Variants in SMC1A observed in about 807,000 individuals in gnomAD.
SMC1A encodes the protein structural maintenance of chromosomes 1A, also known as structural maintenance of chromosomes protein 1A.
A neutral mutation model predicts 94.5 loss-of-function variants in SMC1A; 4 were observed. The ratio of observed to expected loss-of-function variants is 0.04; its 90% confidence interval spans 0.02 to 0.10. The LOEUF (loss-of-function observed/expected upper bound fraction) is 0.10. SMC1A is among the 10% of genes least tolerant of loss of function. The pLI is 1.00. For synonymous variants in SMC1A, 345 were observed against 347.7 expected, an observed-to-expected ratio of 0.99 and a Z score of 0.09; for missense variants, 304 against 989.0, an observed-to-expected ratio of 0.31 and a Z score of 9.29.
At chrX:53,420,448 C>CA (rs1484621210) in intron 1 of SMC1A, among the ~76,000 whole-genome samples, 2 of 106,894 alleles carry the variant, frequency 1.9e-5, no homozygotes, top group Admixed American at 2.0e-4. Context: ...CACTTGAACC[C>CA]AAGAGGCAGA....
chrX:53,387,161 A>G (rs1040281131), intron 19 of SMC1A, among the ~76,000 whole-genome samples: 1 of 111,100 alleles, frequency 9.0e-6, no homozygotes, highest in Non-Finnish European at 1.9e-5. Context: ...ACGCCCGGCT[A>G]ATTTTTTGTA....
At chrX:53,380,528 C>A (rs1602397764) in intron 24 of SMC1A, 92 bp downstream of exon 24, 1 of 610,364 alleles carries the variant, frequency 1.6e-6, no homozygotes, top group South Asian at 2.4e-5. Context: ...CTATGCTCCC[C>A]CACCTCCTTT....
chrX:53,410,969 C>T (rs1294592245), intron 7 of SMC1A, among the ~76,000 whole-genome samples: 54 of 73,117 alleles, frequency 7.4e-4, no homozygotes, highest in Admixed American at 3.0e-3. Context: ...GTGGCAAGCA[C>T]AAGTAATGCT....
chrX:53,390,994 A>T (rs1556887182), intron 19 of SMC1A, among the ~76,000 whole-genome samples: 2 of 98,321 alleles, frequency 2.0e-5, no homozygotes, highest in African/African-American at 7.4e-5. Context: ...AAAAAAAAAA[A>T]AAAGAAAAAG....
intron 13 of SMC1A, 143 bp from the exon 14 acceptor site, chrX:53,404,036 C>T (rs1305477192): frequency 1.9e-6 from 1 of 518,871 alleles, no homozygotes; most frequent in Admixed American, 2.6e-5. Context: ...CTAGTCAAGC[C>T]TCCATGATGT....
At chrX:53,394,094 G>GTGA (rs1175290769) in intron 19 of SMC1A, among the ~76,000 whole-genome samples, 1 of 99,516 alleles carries the variant, frequency 1.0e-5, no homozygotes, top group Non-Finnish European at 2.0e-5. Flanking sequence ...GGTTGCAGCA[G>GTGA]TGAGTCGAGA....
rs1556890153 is a variant in SMC1A, at chrX:53,409,204, C to T, written c.1403G>A (p.Arg468Gln). ...ELTEEVEMAK[R>Q]RIDEINKELN... ...CTCCTTATTGATTTCATCAATACGC[C>T]GCTTGGCCATCTCCACCTCCTCTGT... The change falls in exon 9 of 25, where the codon CGG (arginine) becomes CAG (glutamine). Residue 468 changes from arginine to glutamine, a missense_variant. By Grantham distance (43) the Arg-to-Gln change is conservative. This residue lies in a region of SMC1A where 120 missense variants were observed against 314.9 expected (regional missense o/e 0.38). Coordinates refer to ENST00000322213, the MANE Select transcript of SMC1A (RefSeq NM_006306.4). 3 of 1,210,874 alleles carry T rather than the reference C, an allele frequency of 2.5e-6. No homozygotes were observed. Among genetic ancestry groups the T allele is most frequent in the Non-Finnish European group, 3.4e-6 (3 of 894,970 alleles).
At chrX:53,407,514 T>C (rs1239008898) in intron 9 of SMC1A, among the ~76,000 whole-genome samples, 1 of 112,225 alleles carries the variant, frequency 8.9e-6, no homozygotes, top group South Asian at 3.7e-4. Context: ...AACATTTTCC[T>C]GAGTTCTGTG....
rs1362568589 is a variant in SMC1A, at chrX:53,375,289, T to C, written c.*4814A>G. On this transcript the variant is annotated 3_prime_UTR_variant, in exon 25 of 25. Transcript: ENST00000322213. Reference sequence around the variant, plus strand: ...CTGCCTGTCCTGATCTACAATGGGATAGATCAAGATCAAGACTCCAGAGAT... The same window carrying C: ...CTGCCTGTCCTGATCTACAATGGGACAGATCAAGATCAAGACTCCAGAGAT... The C allele has an allele frequency of 8.9e-6, 1 of 111,875 alleles. No individual in the cohort carries two copies. The highest frequency in any genetic ancestry group is 1.9e-5 in the Non-Finnish European group (1 of 53,156). The allele number at this position is 111,875 out of a possible 1,213,427, so 9.2% of individuals were successfully genotyped here.
intron 19 of SMC1A, among the ~76,000 whole-genome samples, chrX:53,389,760 T>G (rs1487606967): frequency 1.8e-5 from 2 of 110,331 alleles, no homozygotes; most frequent in East Asian, 5.6e-4. Flanking sequence ...TATGTAATGG[T>G]TCTAATTATT....
At chrX:53,389,456 C>A (rs888542494) in intron 19 of SMC1A, among the ~76,000 whole-genome samples, 2 of 111,540 alleles carry the variant, frequency 1.8e-5, no homozygotes, top group African/African-American at 3.3e-5. Context: ...TACTGCCAAG[C>A]GTGGTGGCTC....
At chrX:53,380,508 A>C (rs2075578239) in intron 24 of SMC1A, 112 bp downstream of exon 24, 1 of 558,345 alleles carries the variant, frequency 1.8e-6, no homozygotes, top group Non-Finnish European at 3.0e-6. Context: ...GCCATTCAGG[A>C]CCTGATTCCC....
At chrX:53,420,745 C>A (rs1454556647) in intron 1 of SMC1A, among the ~76,000 whole-genome samples, 1 of 110,732 alleles carries the variant, frequency 9.0e-6, no homozygotes, top group Non-Finnish European at 1.9e-5. Context: ...CCAGGGAGGA[C>A]AACATCATCT....
At chrX:53,392,223 T>C (rs2075632258) in intron 19 of SMC1A, among the ~76,000 whole-genome samples, 1 of 108,994 alleles carries the variant, frequency 9.2e-6, no homozygotes, top group Admixed American at 9.9e-5. Context: ...ACCCCGTCTC[T>C]ACTAAAAATA....
chrX:53,407,480 T>C (rs2075695456), intron 9 of SMC1A, among the ~76,000 whole-genome samples: 1 of 112,402 alleles, frequency 8.9e-6, no homozygotes, highest in African/African-American at 3.2e-5. Context: ...ATATCCTTCA[T>C]AATAAATGGG....
At chrX:53,404,502 T>C (rs1180897458) in intron 13 of SMC1A, among the ~76,000 whole-genome samples, 1 of 111,336 alleles carries the variant, frequency 9.0e-6, no homozygotes, top group African/African-American at 3.3e-5. Flanking sequence ...AGGTATCATT[T>C]ATTTATTTTG....
intron 1 of SMC1A, among the ~76,000 whole-genome samples, chrX:53,420,820 C>T (rs782275937): frequency 5.4e-5 from 6 of 112,030 alleles, no homozygotes; most frequent in African/African-American, 1.9e-4. Flanking sequence ...ATATTATGGA[C>T]TGAACACCAG....
At chrX:53,420,990 G>C (rs1289487530) in intron 1 of SMC1A, among the ~76,000 whole-genome samples, 3 of 111,647 alleles carry the variant, frequency 2.7e-5, no homozygotes, top group Admixed American at 9.6e-5. Flanking sequence ...TAAAGGAATG[G>C]CTTGTAGAGG....
chrX:53,377,135 G>A lies in SMC1A; in HGVS notation c.*2968C>T, dbSNP rs1401526519. The stretch of plus-strand genomic sequence containing the variant: ...GCCAGGAGGTGGTGGGGCACGACAG[G>A]AGAGAGCAGGGGGCAAGCACTAAAT... On this transcript the variant is annotated 3_prime_UTR_variant, in exon 25 of 25. Transcript: ENST00000322213. 8.9e-6 allele frequency: 1 copy of A among 111,788 alleles called. No homozygotes were observed. The highest frequency in any genetic ancestry group is 1.9e-5 in the Non-Finnish European group (1 of 53,163). 9.2% of individuals were successfully genotyped at this position (111,788 alleles called of 1,213,427 possible).
Sources: gnomAD v4.1 joint callset for allele counts (sites outside exome capture counted in the v4.1 genomes callset) on GRCh38, gnomAD v4.1.1 for gene constraint, gnomAD v4.1.1 regional missense constraint, MANE v1.5 for transcripts, NCBI Gene and HGNC (gene_info 2026-07-23, HGNC 2026-07-21) for gene names.